Variants in SP110 observed in about 807,000 individuals in gnomAD.
SP110 encodes the protein SP110 nuclear body protein, also known as interferon-induced protein 41, 30kD.
A neutral mutation model predicts 92.7 loss-of-function variants in SP110; 62 were observed. That is an observed-to-expected ratio of 0.67 (90% CI 0.55 to 0.83). The LOEUF (loss-of-function observed/expected upper bound fraction) is 0.83, where lower values mean the gene tolerates loss of function less well. Among genes scored for constraint, SP110 ranks in the 40% least tolerant of loss-of-function variants. SP110 has a pLI of 0.00. For missense variants in SP110, 793 were observed against 863.9 expected, an observed-to-expected ratio of 0.92 and a Z score of 1.03; for synonymous variants, 273 against 305.3, an observed-to-expected ratio of 0.89 and a Z score of 1.10.
Position 230,172,917 on chromosome 2 carries a change from G to A in SP110, c.1633C>T (p.Gln545Ter). ...GGACAAGTACCGCAGCAGAGAAGTT[G>A]TCCCCCTTGACAGCACACCTCGCAT... ...DECEVCCQGG[Q>*]LLCCGTCPRV... The change falls in exon 15 of 19, where the codon CAA (glutamine) becomes TAA (stop). Residue 545 changes from glutamine to a stop codon, truncating the protein, a stop_gained. Coordinates refer to ENST00000258381, the MANE Select transcript of SP110 (RefSeq NM_080424.4). LOFTEE classifies it high-confidence loss of function. The A allele has an allele frequency of 6.2e-7, 1 of 1,614,172 alleles. No individual in the cohort carries two copies. The highest frequency in any genetic ancestry group is 1.7e-5 in the Admixed American group (1 of 60,032).
At chr2:230,185,461 A>G (rs181885657) in intron 11 of SP110, among the ~76,000 whole-genome samples, 1 of 152,286 alleles carries the variant, frequency 6.6e-6, no homozygotes, top group East Asian at 1.9e-4. Flanking sequence ...CATCATAGAC[A>G]CATCTTGTTA....
Position 230,200,766 on chromosome 2 carries a change from G to T in SP110, c.1129+119C>A, listed in dbSNP as rs1209597439. ...GATTAAGAAAAAAAAATCCAGAAGG[G>T]CTCTCTAGCACAGTAATAATGAAAA... On this transcript the variant is annotated intron_variant, in intron 10 of 18. Coordinates refer to ENST00000258381, the MANE Select transcript of SP110 (RefSeq NM_080424.4). 5.0e-6 allele frequency: 4 copies of T among 798,820 alleles called. No homozygotes were observed. In the East Asian group the frequency reaches 9.9e-5, roughly 20 times the overall value. 49.5% of individuals were successfully genotyped at this position (798,820 alleles called of 1,614,324 possible).
intron 12 of SP110, among the ~76,000 whole-genome samples, chr2:230,180,465 A>G (rs999441985): frequency 7.9e-5 from 12 of 152,006 alleles, no homozygotes; most frequent in African/African-American, 2.7e-4. Context: ...AGGAAAAGTG[A>G]TAGTCAAGGA....
chr2:230,170,516 C>A lies in SP110; in HGVS notation c.2028+105G>T. ...TTCTGTAATCCTTGTCTTGTTTGAG[C>A]TCTCCCCAGGCTGAAACTGAGTGTA... On this transcript the variant is annotated intron_variant, in intron 18 of 18. Transcript: ENST00000258381. 2.2e-6 allele frequency: 3 copies of A among 1,358,140 alleles called. No homozygotes were observed. The Admixed American group carries it at 5.1e-5, about 23-fold the overall frequency. 84.1% of individuals were successfully genotyped at this position (1,358,140 alleles called of 1,614,324 possible). A position where few individuals can be genotyped will look rare whatever the true frequency, so the allele number is the denominator to read the frequency against.
Position 230,178,164 on chromosome 2 carries a change from C to A in SP110, c.1440G>T (p.Met480Ile). The change falls in exon 13 of 19, where the codon ATG (methionine) becomes ATT (isoleucine). Residue 480 changes from methionine to isoleucine, a missense_variant. Met to Ile is a conservative substitution (Grantham distance 10). Transcript: ENST00000258381. Reference sequence around the variant, plus strand: ...GAAGACCAAGGAACTCACCGTGTTTCATTTTCTTCTTATATAAAATCCCTT... The same window carrying A: ...GAAGACCAAGGAACTCACCGTGTTTAATTTTCTTCTTATATAAAATCCCTT... The part of the protein sequence containing the change: ...EAKGILYKKK[M>I]KHGSSVKCIR... The A allele has an allele frequency of 6.2e-7, 1 of 1,603,908 alleles. No individual in the cohort carries two copies. Among genetic ancestry groups the A allele is most frequent in the South Asian group, 1.1e-5 (1 of 90,718 alleles).
At chr2:230,204,286 G>C (rs1002102243) in intron 8 of SP110, among the ~76,000 whole-genome samples, 9 of 152,166 alleles carry the variant, frequency 5.9e-5, no homozygotes, top group African/African-American at 2.2e-4. Context: ...ACCAGGGAGT[G>C]TTCATAATTG....
chr2:230,209,583 C>T (rs1436976590), intron 7 of SP110, among the ~76,000 whole-genome samples: 2 of 152,096 alleles, frequency 1.3e-5, no homozygotes, highest in Non-Finnish European at 2.9e-5. Flanking sequence ...GCAGAGAATG[C>T]CTAGCCATGT....
chr2:230,213,032 G>GGT lies in SP110; in HGVS notation c.317-6_317-5insAC, dbSNP rs2044666550. On this transcript the variant is annotated splice_region_variant and splice_polypyrimidine_tract_variant and intron_variant, in intron 3 of 18. Transcript: ENST00000258381. The stretch of plus-strand genomic sequence containing the variant: ...GCCATTCATAGGAAGCACCAACTGG[G>GGT]ATTGGTGAAGGGACACACATCAGTA... 6.2e-7 allele frequency: 1 copy of GGT among 1,613,654 alleles called. No individual in the cohort carries two copies. The highest frequency in any genetic ancestry group is 8.5e-7 in the Non-Finnish European group (1 of 1,179,848).
At chr2:230,171,603 C>G (rs144984238) in intron 17 of SP110, 93 bp downstream of exon 17, 164 of 979,014 alleles carry the variant, frequency 1.7e-4, no homozygotes, top group Non-Finnish European at 2.6e-4. Flanking sequence ...CTTCTGTTCT[C>G]CAGCTTCCTG....
intron 4 of SP110, 72 bp downstream of exon 4, chr2:230,212,689 G>A: frequency 1.3e-6 from 2 of 1,569,156 alleles, no homozygotes; most frequent in Non-Finnish European, 1.8e-6. Context: ...CAAGATGCTG[G>A]GATTGGCGGC....
At chr2:230,176,305 C>A (rs1477845505) in intron 14 of SP110, among the ~76,000 whole-genome samples, 1 of 151,832 alleles carries the variant, frequency 6.6e-6, no homozygotes. Context: ...CCTACCTCAG[C>A]CTTAGCTGGG....
At chr2:230,175,855 G>A (rs1452206869) in intron 14 of SP110, among the ~76,000 whole-genome samples, 4 of 151,952 alleles carry the variant, frequency 2.6e-5, no homozygotes, top group Non-Finnish European at 4.4e-5. Context: ...GCAATACTCA[G>A]TATGCAATCA....
intron 14 of SP110, among the ~76,000 whole-genome samples, chr2:230,174,533 G>A (rs1277828242): frequency 6.6e-6 from 1 of 152,118 alleles, no homozygotes; most frequent in Admixed American, 6.5e-5. Flanking sequence ...TGATGGCCAT[G>A]GGCTTCTGAT....
rs771371535 is a variant in SP110 at position 230,202,683 on chromosome 2, A to G, written c.944T>C (p.Val315Ala). Residue 315 changes from valine (V) to alanine (A), a missense_variant, in exon 9 of 19, where the codon GTG becomes GCG. Transcript: ENST00000258381. Reference protein sequence around the residue: ...RHGIQKKLKRVDQVPQKKDDS... With the variant: ...RHGIQKKLKRADQVPQKKDDS... ...ATCTTTCTTTTGAGGAACCTGATCC[A>G]CCCTTTTGAGCTTCTTTTGGATTCC... 2.5e-6 allele frequency: 4 copies of G among 1,613,916 alleles called. No individual in the cohort carries two copies. In the South Asian group the frequency reaches 4.4e-5, roughly 18 times the overall value.
At chr2:230,169,379 G>A (rs1004158570) in intron 18 of SP110, 142 bp from the exon 19 acceptor site, 2 of 680,502 alleles carry the variant, frequency 2.9e-6, no homozygotes, top group African/African-American at 3.5e-5. Flanking sequence ...CACCGTCATG[G>A]CTCACTGCAG....
intron 17 of SP110, 154 bp downstream of exon 17, chr2:230,171,542 G>T: frequency 1.4e-6 from 1 of 704,402 alleles, no homozygotes. Flanking sequence ...TCTCCAGAGT[G>T]TGCAGCAAAA....
intron 12 of SP110, 120 bp downstream of exon 12, chr2:230,183,452 C>T (rs993456031): frequency 2.5e-5 from 20 of 784,868 alleles, no homozygotes; most frequent in East Asian, 1.2e-4. Flanking sequence ...GTACCCATGA[C>T]GGTGGAGAAC....
rs368551766 is a variant in SP110, at chr2:230,188,849, T to C, written c.1130-2706A>G. The stretch of plus-strand genomic sequence containing the variant: ...AAATCCACTTGATCATGGTGTATTA[T>C]ATTTTTGATGGGCTGCTGGATTCAA... On this transcript the variant is annotated intron_variant, in intron 10 of 18. Transcript: ENST00000258381. Among the ~76,000 whole-genome samples, 14 of 152,316 alleles carry C rather than the reference T, an allele frequency of 9.2e-5. No homozygotes were observed. In the East Asian group the frequency reaches 2.5e-3, roughly 27 times the overall value.
intron 8 of SP110, among the ~76,000 whole-genome samples, chr2:230,204,457 T>C (rs2043535006): frequency 6.6e-6 from 1 of 152,140 alleles, no homozygotes; most frequent in African/African-American, 2.4e-5. Context: ...TATTGGAAAT[T>C]TCCCTCCAAT....
Sources: gnomAD v4.1 joint callset for allele counts (sites outside exome capture counted in the v4.1 genomes callset) on GRCh38, gnomAD v4.1.1 for gene constraint, MANE v1.5 for transcripts, NCBI Gene and HGNC (gene_info 2026-07-23, HGNC 2026-07-21) for gene names.